The following SH3KBP1 variants were observed in gnomAD, a reference collection of about 807,000 sequenced individuals.
The protein encoded by SH3KBP1 is SH3 domain containing kinase binding protein 1.
SH3KBP1 carries 8 observed loss-of-function variants against 50.1 expected under a neutral mutation model. The observed-to-expected ratio is 0.16, with a 90% confidence interval of 0.09 to 0.29. The LOEUF (loss-of-function observed/expected upper bound fraction) is 0.29, where lower values mean the gene tolerates loss of function less well. SH3KBP1 is among the 10% of genes least tolerant of loss of function. The probability of loss-of-function intolerance (pLI) is 1.00; values close to 1 mark genes in which losing one functional copy is unlikely to be tolerated. For missense variants in SH3KBP1, 377 were observed against 535.2 expected, an observed-to-expected ratio of 0.70 and a Z score of 2.92; for synonymous variants, 227 against 218.6, an observed-to-expected ratio of 1.04 and a Z score of -0.34.
intron 4 of SH3KBP1, among the ~76,000 whole-genome samples, chrX:19,697,141 T>G (rs2063434278): frequency 8.9e-6 from 1 of 112,118 alleles, no homozygotes; most frequent in African/African-American, 3.2e-5. Flanking sequence ...TGAGCTATGC[T>G]GTTTGGTAGG....
chrX:19,763,588 T>C (rs2065497158), intron 2 of SH3KBP1, among the ~76,000 whole-genome samples: 1 of 112,289 alleles, frequency 8.9e-6, no homozygotes, highest in Non-Finnish European at 1.9e-5. Context: ...TTGTCATTTG[T>C]CTGTTTATTC....
At chrX:19,787,295 T>C (rs1184413428) in intron 2 of SH3KBP1, among the ~76,000 whole-genome samples, 1 of 112,192 alleles carries the variant, frequency 8.9e-6, no homozygotes, top group Admixed American at 9.5e-5. Context: ...GCCTATTCTA[T>C]TTCGGTATTC....
intron 3 of SH3KBP1, among the ~76,000 whole-genome samples, chrX:19,712,211 A>T (rs747023517): frequency 2.0e-4 from 22 of 112,383 alleles, no homozygotes; most frequent in African/African-American, 5.8e-4. Context: ...TACGGCAAAG[A>T]AGATACAAAG....
At chrX:19,642,826 A>G (rs1432020679) in intron 7 of SH3KBP1, among the ~76,000 whole-genome samples, 1 of 110,129 alleles carries the variant, frequency 9.1e-6, no homozygotes, top group African/African-American at 3.3e-5. Context: ...GAGGGTGGGG[A>G]TGATAATGTT....
chrX:19,731,246 T>C (rs1366601460), intron 3 of SH3KBP1, among the ~76,000 whole-genome samples: 1 of 112,660 alleles, frequency 8.9e-6, no homozygotes, highest in Non-Finnish European at 1.9e-5. Context: ...GCCTACACTT[T>C]CATTTATAAA....
rs1352144901 is a variant in SH3KBP1, at chrX:19,625,345, C to T, written c.897+6519G>A. Among the ~76,000 whole-genome samples the T allele has an allele frequency of 2.7e-5, 3 of 109,808 alleles. No individual in the cohort carries two copies. In the Admixed American group the frequency reaches 2.9e-4, roughly 11 times the overall value. On this transcript the variant is annotated intron_variant, in intron 8 of 17. Coordinates refer to ENST00000397821, the MANE Select transcript of SH3KBP1 (RefSeq NM_031892.3). ...GACTCCCGCCTGCATTTTTTTTTGC[C>T]CCCCGACAGCGAGTGGAAAGCTAAG...
intron 1 of SH3KBP1, among the ~76,000 whole-genome samples, chrX:19,858,755 T>C (rs1038487255): frequency 1.8e-5 from 2 of 112,177 alleles, no homozygotes; most frequent in African/African-American, 6.5e-5. Flanking sequence ...CTCCCAAGAA[T>C]TCAACAAAAC....
chrX:19,619,290 C>T (rs1363252064), intron 8 of SH3KBP1, among the ~76,000 whole-genome samples: 1 of 110,703 alleles, frequency 9.0e-6, no homozygotes, highest in Non-Finnish European at 1.9e-5. Context: ...CAAAACAAAA[C>T]GAAACAAAAC....
At chrX:19,880,424 T>C (rs1199981524) in intron 1 of SH3KBP1, among the ~76,000 whole-genome samples, 2 of 113,031 alleles carry the variant, frequency 1.8e-5, no homozygotes, top group African/African-American at 3.2e-5. Flanking sequence ...GCAGATCCAG[T>C]TGGAGATGGA....
At chrX:19,846,339 C>G (rs1285433035) in intron 1 of SH3KBP1, among the ~76,000 whole-genome samples, 1 of 112,560 alleles carries the variant, frequency 8.9e-6, no homozygotes, top group East Asian at 2.8e-4. Context: ...CATGAGCCAC[C>G]ACATCTGGCC....
chrX:19,766,943 T>C (rs758188623), intron 2 of SH3KBP1, among the ~76,000 whole-genome samples: 3 of 111,578 alleles, frequency 2.7e-5, no homozygotes, highest in Non-Finnish European at 5.6e-5. Flanking sequence ...AGGTAAACAC[T>C]CACAGGTTCT....
At chrX:19,782,952 AAAC>A (rs1001075021) in intron 2 of SH3KBP1, among the ~76,000 whole-genome samples, 7 of 111,491 alleles carry the variant, frequency 6.3e-5, no homozygotes, top group African/African-American at 1.3e-4. Flanking sequence ...AAGAGAAAAA[AAAC>A]AACAACAAAA....
chrX:19,695,174 T>TTCACTTCTCACCACCAGTAATTTATGAC, intron 5 of SH3KBP1: 2 of 518,164 alleles, frequency 3.9e-6, no homozygotes, highest in East Asian at 7.4e-5. Flanking sequence ...TGGCATGCAC[T>TTCACTTCTCACCACCAGTAATTTATGAC]CATCTTGTCA....
chrX:19,761,752 A>C (rs1335150351), intron 2 of SH3KBP1, among the ~76,000 whole-genome samples: 2 of 112,601 alleles, frequency 1.8e-5, no homozygotes, highest in African/African-American at 6.5e-5. Context: ...GGGTACTCAC[A>C]CATCTTTTAG....
chrX:19,638,092 C>CA (rs760527076), intron 7 of SH3KBP1, among the ~76,000 whole-genome samples: 1,367 of 98,296 alleles, frequency 0.014, 30 homozygotes, highest in African/African-American at 0.047. Context: ...CAAAACAAAA[C>CA]AAAAAAAAAC....
chrX:19,561,519 G>T (rs2065677712), intron 13 of SH3KBP1, among the ~76,000 whole-genome samples: 1 of 111,714 alleles, frequency 9.0e-6, no homozygotes, highest in African/African-American at 3.3e-5. Flanking sequence ...TTCAACGCCT[G>T]ACTCTCTCTA....
chrX:19,693,732 G>A (rs1051288926), intron 5 of SH3KBP1, among the ~76,000 whole-genome samples: 1 of 111,847 alleles, frequency 8.9e-6, no homozygotes, highest in Non-Finnish European at 1.9e-5. Context: ...CTTTAGCTGA[G>A]GGGTCAGACA....
intron 3 of SH3KBP1, among the ~76,000 whole-genome samples, chrX:19,716,359 A>G (rs180811679): frequency 1.8e-5 from 2 of 112,085 alleles, no homozygotes; most frequent in East Asian, 5.6e-4. Context: ...ATTAACCAGC[A>G]TTGTGTGGTC....
chrX:19,769,631 C>T (rs1043949772), intron 2 of SH3KBP1, among the ~76,000 whole-genome samples: 5 of 110,762 alleles, frequency 4.5e-5, no homozygotes, highest in Non-Finnish European at 7.6e-5. Context: ...TGTAATAAGC[C>T]ACAAGATTGA....
Sources: allele counts gnomAD v4.1 joint callset (sites outside exome capture counted in the v4.1 genomes callset), GRCh38; gene constraint gnomAD v4.1.1; transcripts MANE v1.5; gene names NCBI Gene and HGNC (gene_info 2026-07-23, HGNC 2026-07-21).